The following TNRC6A variants were observed in gnomAD, a reference collection of about 807,000 sequenced individuals.
TNRC6A encodes trinucleotide repeat-containing gene 6A protein.
In TNRC6A, 44 loss-of-function variants were observed where a neutral mutation model predicts 221.2. The ratio of observed to expected loss-of-function variants is 0.20; its 90% confidence interval spans 0.16 to 0.26. TNRC6A has a LOEUF of 0.26. Among genes scored for constraint, TNRC6A ranks in the 10% least tolerant of loss-of-function variants. The probability of loss-of-function intolerance (pLI) is 1.00; values close to 1 mark genes in which losing one functional copy is unlikely to be tolerated. For missense variants in TNRC6A, 2,199 were observed against 2,404.4 expected (o/e 0.91, Z 1.79); for synonymous variants, 847 against 838.5 (o/e 1.01, Z -0.18).
rs762996936 is a variant in TNRC6A at position 24,777,069 on chromosome 16, ACAGCAGCAGCCG to A, written c.311_322del (p.Pro104_Gln107del). 8.1e-6 allele frequency: 13 copies of A among 1,606,636 alleles called. No homozygotes were observed. Among genetic ancestry groups the A allele is most frequent in the African/African-American group, 4.0e-5 (3 of 74,294 alleles). ...ATCAGCAGCCACAGCAGCAGCAGCAACAGCAGCAGCCGCAGCAGCAGCAGCCACAGCAGCAGC... is the reference window on the plus strand; with the variant it reads ...ATCAGCAGCCACAGCAGCAGCAGCAACAGCAGCAGCAGCCACAGCAGCAGC... On this transcript the variant is annotated inframe_deletion, in exon 5 of 25. Transcript: ENST00000395799.
intron 1 of TNRC6A, among the ~76,000 whole-genome samples, chr16:24,627,259 C>G (rs529920115): frequency 7.9e-5 from 12 of 152,216 alleles, no homozygotes; most frequent in Admixed American, 3.9e-4. Flanking sequence ...TCCCCTACAT[C>G]AGCCTCGATT....
chr16:24,663,141 G>T (rs2055070639), intron 2 of TNRC6A: 1 of 153,754 alleles, frequency 6.5e-6, no homozygotes, highest in South Asian at 2.1e-4. Context: ...GGGAAGATGT[G>T]TCGGGGAGTC....
chr16:24,799,390 G>A (rs527477175), intron 11 of TNRC6A, among the ~76,000 whole-genome samples: 9 of 152,220 alleles, frequency 5.9e-5, no homozygotes, highest in East Asian at 1.9e-4. Flanking sequence ...CAATGGCAAC[G>A]CAACTCTGTA....
intron 2 of TNRC6A, among the ~76,000 whole-genome samples, chr16:24,713,579 A>G (rs1205735869): frequency 1.3e-5 from 2 of 152,142 alleles, no homozygotes; most frequent in Non-Finnish European, 2.9e-5. Flanking sequence ...TCTTGGGTCT[A>G]TAACATGCCT....
intron 2 of TNRC6A, among the ~76,000 whole-genome samples, chr16:24,685,387 A>C (rs1359419941): frequency 1.3e-5 from 2 of 152,148 alleles, no homozygotes; most frequent in Non-Finnish European, 2.9e-5. Context: ...CCCAGGTTGG[A>C]GTACAGTGGC....
intron 2 of TNRC6A, among the ~76,000 whole-genome samples, chr16:24,710,509 G>A (rs1385146784): frequency 6.6e-6 from 1 of 152,082 alleles, no homozygotes; most frequent in Non-Finnish European, 1.5e-5. Flanking sequence ...TAGTTTATGT[G>A]AGAATTCTTC....
chr16:24,684,435 T>G (rs2142078737), intron 2 of TNRC6A, among the ~76,000 whole-genome samples: 1 of 151,168 alleles, frequency 6.6e-6, no homozygotes, highest in East Asian at 2.0e-4. Flanking sequence ...ATTTTATTTA[T>G]AGATGCTGAA....
At chr16:24,784,571 C>T (rs1380512944) in intron 5 of TNRC6A, among the ~76,000 whole-genome samples, 2 of 152,216 alleles carry the variant, frequency 1.3e-5, no homozygotes, top group Non-Finnish European at 2.9e-5. Flanking sequence ...ATATTCCCGC[C>T]TTGGCCTCCC....
chr16:24,790,445 G>T lies in TNRC6A; in HGVS notation c.1803G>T (p.Trp601Cys). 2.5e-6 allele frequency: 4 copies of T among 1,614,206 alleles called. No individual in the cohort carries two copies. Among genetic ancestry groups the T allele is most frequent in the Non-Finnish European group, 3.4e-6 (4 of 1,180,034 alleles). ...ATTCTGGAGGAAGTCGAAGAGGATG[G>T]GGAACCCCTGCACAAAACACTGGCA... ...GANSGGSRRGWGTPAQNTGTN... is the reference protein window; with the variant it reads ...GANSGGSRRGCGTPAQNTGTN... Residue 601 changes from tryptophan to cysteine, a missense_variant, in exon 6 of 25, where the codon TGG becomes TGT. Transcript: ENST00000395799.
chr16:24,676,499 A>C (rs2055423121), intron 2 of TNRC6A, among the ~76,000 whole-genome samples: 1 of 152,082 alleles, frequency 6.6e-6, no homozygotes, highest in Admixed American at 6.6e-5. Context: ...TCTTTCACCC[A>C]GGCTGGAGTG....
At chr16:24,656,076 G>A (rs1287739110) in intron 2 of TNRC6A, among the ~76,000 whole-genome samples, 1 of 151,110 alleles carries the variant, frequency 6.6e-6, no homozygotes, top group Non-Finnish European at 1.5e-5. Flanking sequence ...CTGGGAAATG[G>A]AGGCTGCAGT....
intron 2 of TNRC6A, among the ~76,000 whole-genome samples, chr16:24,743,943 C>T (rs921473101): frequency 6.6e-6 from 1 of 152,148 alleles, no homozygotes; most frequent in Non-Finnish European, 1.5e-5. Context: ...CCTTTAGAGC[C>T]AAACGAAATC....
At chr16:24,711,266 C>T (rs1315255142) in intron 2 of TNRC6A, among the ~76,000 whole-genome samples, 1 of 152,156 alleles carries the variant, frequency 6.6e-6, no homozygotes, top group Non-Finnish European at 1.5e-5. Flanking sequence ...CCTCGGCCTC[C>T]CAAATTGCTG....
intron 2 of TNRC6A, among the ~76,000 whole-genome samples, chr16:24,642,999 G>C (rs897906476): frequency 2.0e-5 from 3 of 149,044 alleles, no homozygotes; most frequent in Non-Finnish European, 4.4e-5. Context: ...AGCTATGATT[G>C]CTCCACTGCA....
At chr16:24,758,941 A>G (rs1049629463) in intron 4 of TNRC6A, among the ~76,000 whole-genome samples, 1 of 152,104 alleles carries the variant, frequency 6.6e-6, no homozygotes, top group Non-Finnish European at 1.5e-5. Context: ...CTGAATCAGG[A>G]GTTCTTCACC....
intron 4 of TNRC6A, chr16:24,776,204 G>T: frequency 1.1e-6 from 1 of 938,128 alleles, no homozygotes; most frequent in Non-Finnish European, 1.3e-6. Context: ...ATTTCCATCC[G>T]TTTTATTTCT....
intron 5 of TNRC6A, among the ~76,000 whole-genome samples, chr16:24,784,198 C>G (rs1450626016): frequency 1.3e-5 from 2 of 152,178 alleles, no homozygotes; most frequent in Non-Finnish European, 2.9e-5. Flanking sequence ...GATGGTGTTT[C>G]ACCCTGTTGG....
chr16:24,773,629 G>T (rs1475349683), intron 4 of TNRC6A, among the ~76,000 whole-genome samples: 1 of 152,104 alleles, frequency 6.6e-6, no homozygotes, highest in Non-Finnish European at 1.5e-5. Context: ...AAGATACATG[G>T]TTTTGCTTTT....
At position 24,816,700 on chromosome 16, in the gene TNRC6A, A is replaced by C. The variant is rs991646226; in HGVS notation, c.4832-116A>C. 1.1e-5 allele frequency: 13 copies of C among 1,232,500 alleles called. No homozygotes were observed. The African/African-American group carries it at 2.0e-4, about 19-fold the overall frequency. 76.3% of individuals were successfully genotyped at this position (1,232,500 alleles called of 1,614,324 possible). A position where few individuals can be genotyped will look rare whatever the true frequency, so the allele number is the denominator to read the frequency against. On this transcript the variant is annotated intron_variant, in intron 19 of 24. Transcript: ENST00000395799. ...AACCATCCTCTTAGAGTATTAGTGT[A>C]AATTGGAAAGTATTTGAGAGTTGCA...
Sources: gnomAD v4.1 joint callset for allele counts (sites outside exome capture counted in the v4.1 genomes callset) on GRCh38, gnomAD v4.1.1 for gene constraint, MANE v1.5 for transcripts, NCBI Gene and HGNC (gene_info 2026-07-23, HGNC 2026-07-21) for gene names.